ATP7A: variants seen among roughly 807,000 people sequenced by gnomAD.
ATP7A encodes copper-transporting ATPase 1.
ATP7A carries 7 observed loss-of-function variants against 83.5 expected under a neutral mutation model. The observed-to-expected ratio is 0.08, with a 90% CI of 0.05 to 0.16. The LOEUF is 0.16. Among genes scored for constraint, ATP7A ranks in the 10% least tolerant of loss-of-function variants. ATP7A has a pLI of 1.00. For missense variants in ATP7A, 940 were observed against 1,120.8 expected, an observed-to-expected ratio of 0.84 and a Z score of 2.30; for synonymous variants, 354 against 395.2, an observed-to-expected ratio of 0.90 and a Z score of 1.24.
intron 18 of ATP7A, 90 bp downstream of exon 18, chrX:78,039,072 G>T (rs2078031718): frequency 2.0e-6 from 2 of 991,837 alleles, no homozygotes; most frequent in East Asian, 3.3e-5. Context: ...AACTATGAGG[G>T]TTATTCAAAA....
At chrX:78,019,300 C>T (rs782391021) in intron 12 of ATP7A, among the ~76,000 whole-genome samples, 48 of 111,722 alleles carry the variant, frequency 4.3e-4, no homozygotes, top group African/African-American at 1.5e-3. Flanking sequence ...AGGGAATAGG[C>T]CTGGCATAGT....
intron 14 of ATP7A, among the ~76,000 whole-genome samples, chrX:78,024,919 T>G (rs1248325679): frequency 1.8e-5 from 2 of 111,428 alleles, no homozygotes; most frequent in Non-Finnish European, 3.8e-5. Flanking sequence ...ACCTGCTGTC[T>G]CTTACTCTTG....
chrX:77,932,271 G>A (rs1453853834), intron 1 of ATP7A, among the ~76,000 whole-genome samples: 2 of 108,400 alleles, frequency 1.8e-5, no homozygotes, highest in South Asian at 4.1e-4. Flanking sequence ...CAGACGGGGC[G>A]GCGGGGCAGA....
intron 6 of ATP7A, among the ~76,000 whole-genome samples, chrX:78,005,728 C>T (rs868914128): frequency 6.7e-5 from 4 of 59,659 alleles, no homozygotes; most frequent in African/African-American, 1.8e-4. Flanking sequence ...AAGAAAAAAA[C>T]AATATTGGAT....
At chrX:77,951,771 G>A (rs1157497209) in intron 1 of ATP7A, among the ~76,000 whole-genome samples, 1 of 111,100 alleles carries the variant, frequency 9.0e-6, no homozygotes, top group African/African-American at 3.3e-5. Flanking sequence ...TAGTAGAGAC[G>A]GGTTTCGCCA....
chrX:78,017,852 C>T (rs1280458255), intron 12 of ATP7A, among the ~76,000 whole-genome samples: 1 of 96,510 alleles, frequency 1.0e-5, no homozygotes, highest in Non-Finnish European at 2.0e-5. Context: ...TCTCGGCTCA[C>T]TGCAAGCTCT....
chrX:78,007,245 C>T (rs1557233830), intron 6 of ATP7A, among the ~76,000 whole-genome samples: 1 of 112,375 alleles, frequency 8.9e-6, no homozygotes, highest in African/African-American at 3.2e-5. Context: ...TTTGCATTTC[C>T]CTGATGACTA....
At chrX:77,934,179 C>T (rs1021120359) in intron 1 of ATP7A, among the ~76,000 whole-genome samples, 2 of 110,912 alleles carry the variant, frequency 1.8e-5, no homozygotes, top group South Asian at 7.7e-4. Flanking sequence ...TTTGGGAGGC[C>T]GAGGCAGGAG....
intron 1 of ATP7A, among the ~76,000 whole-genome samples, chrX:77,955,891 G>A (rs1455345217): frequency 1.9e-5 from 2 of 107,383 alleles, no homozygotes; most frequent in Non-Finnish European, 3.8e-5. Context: ...AGATCATGTG[G>A]TATTTGTCTT....
chrX:78,013,082 A>C lies in ATP7A; in HGVS notation c.2376A>C (p.Ala792=). The C allele has an allele frequency of 8.3e-7, 1 of 1,209,690 alleles. No individual in the cohort carries two copies. Among genetic ancestry groups the C allele is most frequent in the Non-Finnish European group, 1.1e-6 (1 of 893,666 alleles). The part of the protein sequence containing the change: ...DTPPMLFVFI[A]LGRWLEHIAK... Reference sequence around the variant, plus strand: ...CCCCTATGCTGTTTGTGTTTATTGCACTAGGCCGATGGCTGGAACATATAG... The same window carrying C: ...CCCCTATGCTGTTTGTGTTTATTGCCCTAGGCCGATGGCTGGAACATATAG... The change falls in exon 10 of 23, where the codon GCA becomes GCC. Residue 792 remains alanine (A), a synonymous_variant. Coordinates refer to ENST00000341514, the MANE Select transcript of ATP7A (RefSeq NM_000052.7).
At chrX:77,991,624 T>C (rs2077669800) in intron 4 of ATP7A, among the ~76,000 whole-genome samples, 2 of 111,474 alleles carry the variant, frequency 1.8e-5, no homozygotes, top group Non-Finnish European at 3.8e-5. Flanking sequence ...CAGCTAAACT[T>C]TTTGAGGGAC....
At chrX:77,960,913 G>A (rs1569549207) in intron 1 of ATP7A, among the ~76,000 whole-genome samples, 1 of 111,557 alleles carries the variant, frequency 9.0e-6, no homozygotes, top group East Asian at 2.8e-4. Flanking sequence ...GCTAAATGCA[G>A]TAGGATGTTA....
chrX:77,937,164 C>T (rs1035412152), intron 1 of ATP7A, among the ~76,000 whole-genome samples: 5 of 112,217 alleles, frequency 4.5e-5, no homozygotes, highest in Non-Finnish European at 9.4e-5. Context: ...ATGTTGCTAA[C>T]GAGGGAGGTT....
At position 77,965,452 on chromosome X, in the gene ATP7A, A is replaced by G. The variant is rs2077498981; in HGVS notation, c.-21-6169A>G. 3 of 321,718 alleles carry G rather than the reference A, an allele frequency of 9.3e-6. No homozygotes were observed. The Admixed American group carries it at 9.7e-5, about 10-fold the overall frequency. The allele number at this position is 321,718 out of a possible 1,213,427, so 26.5% of individuals were successfully genotyped here. A position where few individuals can be genotyped will look rare whatever the true frequency, so the allele number is the denominator to read the frequency against. Reference sequence around the variant, plus strand: ...ATCAGTAATCAGAGAAATGTGAATCAAAACCACAATGAGATACCACTTCAC... The same window carrying G: ...ATCAGTAATCAGAGAAATGTGAATCGAAACCACAATGAGATACCACTTCAC... On this transcript the variant is annotated intron_variant, in intron 1 of 22. Coordinates refer to ENST00000341514, the MANE Select transcript of ATP7A (RefSeq NM_000052.7).
intron 1 of ATP7A, among the ~76,000 whole-genome samples, chrX:77,940,259 C>T (rs782308305): frequency 2.1e-4 from 23 of 110,770 alleles, no homozygotes; most frequent in African/African-American, 6.5e-4. Context: ...AGAATTTCTT[C>T]ATCCCCCCTC....
chrX:78,022,774 T>G (rs1160433642), intron 14 of ATP7A, among the ~76,000 whole-genome samples: 1 of 110,393 alleles, frequency 9.1e-6, no homozygotes, highest in African/African-American at 3.3e-5. Context: ...TGCCTCGGCC[T>G]CCCAAAGTGC....
chrX:78,023,626 C>A (rs781887344), intron 14 of ATP7A, among the ~76,000 whole-genome samples: 18 of 110,337 alleles, frequency 1.6e-4, no homozygotes, highest in African/African-American at 5.9e-4. Context: ...TCTATTTATG[C>A]CCTTTGCCCA....
rs185127879 is a variant in ATP7A, at chrX:77,985,615, C to A, written c.121-2627C>A. Among the ~76,000 whole-genome samples the A allele has an allele frequency of 1.3e-4, 14 of 107,612 alleles. No homozygotes were observed. In the East Asian group the frequency reaches 4.1e-3, roughly 31 times the overall value. 93.4% of individuals were successfully genotyped at this position (107,612 alleles called of 115,157 possible). On this transcript the variant is annotated intron_variant, in intron 2 of 22. Coordinates refer to ENST00000341514, the MANE Select transcript of ATP7A (RefSeq NM_000052.7). ...ACACTTGAAATGTGGCTAGTGCAAC[C>A]GAGGAACTGAATTTTTAATCTTATT...
At chrX:78,031,115 TA>T (rs1409564082) in intron 15 of ATP7A, among the ~76,000 whole-genome samples, 2 of 111,984 alleles carry the variant, frequency 1.8e-5, no homozygotes, top group African/African-American at 6.5e-5. Context: ...AATTACCTAT[TA>T]ACAGTCAACC....
Sources: gnomAD v4.1 joint callset for allele counts (sites outside exome capture counted in the v4.1 genomes callset) on GRCh38, gnomAD v4.1.1 for gene constraint, MANE v1.5 for transcripts, NCBI Gene and HGNC (gene_info 2026-07-23, HGNC 2026-07-21) for gene names.